The following SDC4 variants were observed in gnomAD, a reference collection of about 807,000 sequenced individuals.
SDC4 encodes the protein syndecan 4.
In SDC4, 17 loss-of-function variants were observed where a neutral mutation model predicts 20.5. The observed-to-expected ratio is 0.83, with a 90% CI of 0.57 to 1.25. The LOEUF (loss-of-function observed/expected upper bound fraction) is 1.25. Among genes scored for constraint, SDC4 ranks in the 50% most tolerant of loss-of-function variants. The pLI is 0.00. For missense variants in SDC4, 241 were observed against 252.3 expected, an observed-to-expected ratio of 0.96 and a Z score of 0.30; for synonymous variants, 107 against 105.3, an observed-to-expected ratio of 1.02 and a Z score of -0.10.
In SDC4 at chr20:45,326,476, A is replaced by G. The variant is rs1264503883; in HGVS notation, c.*788T>C. ...ACAAACAAAAACAAAAACAAAAACC[A>G]TTAAATACAAACTTAGCAGGTGCTG... On this transcript the variant is annotated 3_prime_UTR_variant, in exon 5 of 5. Coordinates refer to ENST00000372733, the MANE Select transcript of SDC4 (RefSeq NM_002999.4). 3 of 152,074 alleles carry G rather than the reference A, an allele frequency of 2.0e-5. No homozygotes were observed. Among genetic ancestry groups the G allele is most frequent in the African/African-American group, 7.2e-5 (3 of 41,416 alleles). 9.4% of individuals were successfully genotyped at this position (152,074 alleles called of 1,614,324 possible). A position where few individuals can be genotyped will look rare whatever the true frequency, so the allele number is the denominator to read the frequency against.
At chr20:45,336,000 G>T in intron 1 of SDC4, 80 bp from the exon 2 acceptor site, 1 of 1,503,680 alleles carries the variant, frequency 6.7e-7, no homozygotes, top group Non-Finnish European at 9.0e-7. Context: ...AGTGAAGTGG[G>T]CATTCAGAAA....
At chr20:45,329,756 A>T (rs1489845077) in intron 4 of SDC4, among the ~76,000 whole-genome samples, 15 of 144,310 alleles carry the variant, frequency 1.0e-4, no homozygotes, top group Admixed American at 1.0e-3. Flanking sequence ...AACACCTGGG[A>T]CAAAGCATTC....
At chr20:45,336,461 G>A (rs1987870208) in intron 1 of SDC4, among the ~76,000 whole-genome samples, 2 of 152,156 alleles carry the variant, frequency 1.3e-5, no homozygotes, top group Admixed American at 1.3e-4. Context: ...TTATTAATAT[G>A]GCTAGATATC....
At chr20:45,331,690 G>C (rs1285068801) in intron 3 of SDC4, among the ~76,000 whole-genome samples, 1 of 152,176 alleles carries the variant, frequency 6.6e-6, no homozygotes, top group Non-Finnish European at 1.5e-5. Flanking sequence ...ACATTAGCAT[G>C]CTAAGAGACA....
At chr20:45,332,958 G>T in intron 3 of SDC4, 65 bp downstream of exon 3, 1 of 1,455,076 alleles carries the variant, frequency 6.9e-7, no homozygotes, top group Non-Finnish European at 9.7e-7. Context: ...TGTATTTTCT[G>T]CCTCTCCCAA....
intron 1 of SDC4, among the ~76,000 whole-genome samples, chr20:45,344,285 G>A (rs1446787997): frequency 8.2e-6 from 1 of 122,044 alleles, no homozygotes; most frequent in African/African-American, 2.8e-5. Context: ...AACATGTCCT[G>A]TATGTCCCCT....
chr20:45,338,059 A>G (rs993536943), intron 1 of SDC4, among the ~76,000 whole-genome samples: 11 of 152,324 alleles, frequency 7.2e-5, no homozygotes, highest in Non-Finnish European at 1.3e-4. Context: ...ACCTAAGGGC[A>G]GGGTCCCTGT....
Position 45,327,203 on chromosome 20 carries a change from C to G in SDC4, c.*61G>C. 1 of 1,594,950 alleles carries G rather than the reference C, an allele frequency of 6.3e-7. No homozygotes were observed. The highest frequency in any genetic ancestry group is 1.3e-5 in the African/African-American group (1 of 74,598). ...GACCTCACCCTACCCTAATGTCCAC[C>G]CTTCAAAATCCCCTGGCTTCCCTCC... On this transcript the variant is annotated 3_prime_UTR_variant, in exon 5 of 5. Transcript: ENST00000372733.
intron 1 of SDC4, among the ~76,000 whole-genome samples, chr20:45,340,994 T>C (rs1454275773): frequency 6.6e-6 from 1 of 152,224 alleles, no homozygotes; most frequent in Non-Finnish European, 1.5e-5. Flanking sequence ...CAAGTGTGAG[T>C]TCTGCCACTT....
chr20:45,332,870 C>T (rs1987799255), intron 3 of SDC4, among the ~76,000 whole-genome samples, 153 bp downstream of exon 3: 1 of 152,228 alleles, frequency 6.6e-6, no homozygotes, highest in South Asian at 2.1e-4. Flanking sequence ...AGCCACCATG[C>T]CCACCCCAGG....
At position 45,327,059 on chromosome 20, in the gene SDC4, C is replaced by T; in HGVS notation, c.*205G>A. ...AGGCCAAGTTGAATCCATTTTTCTGCCAGGGCAACTGAGGCCCAAAGCTCA... is the reference window on the plus strand; with the variant it reads ...AGGCCAAGTTGAATCCATTTTTCTGTCAGGGCAACTGAGGCCCAAAGCTCA... On this transcript the variant is annotated 3_prime_UTR_variant, in exon 5 of 5. Coordinates refer to ENST00000372733, the MANE Select transcript of SDC4 (RefSeq NM_002999.4). 1 of 521,108 alleles carries T rather than the reference C, an allele frequency of 1.9e-6. No homozygotes were observed. The highest frequency in any genetic ancestry group is 3.3e-6 in the Non-Finnish European group (1 of 299,852). 32.3% of individuals were successfully genotyped at this position (521,108 alleles called of 1,614,324 possible).
intron 1 of SDC4, among the ~76,000 whole-genome samples, chr20:45,343,340 C>G (rs1987982146): frequency 6.6e-6 from 1 of 152,112 alleles, no homozygotes; most frequent in African/African-American, 2.4e-5. Context: ...AACACCCCAC[C>G]CCTCAAAGTG....
chr20:45,335,405 T>A (rs1351211474), intron 2 of SDC4, among the ~76,000 whole-genome samples: 1 of 151,876 alleles, frequency 6.6e-6, no homozygotes, highest in African/African-American at 2.4e-5. Context: ...GAACTTTTCC[T>A]TTCAAAAAAA....
rs1987855097 is a variant in SDC4 at position 45,335,842 on chromosome 20, C to T, written c.139G>A (p.Asp47Asn). The T allele has an allele frequency of 6.2e-7, 1 of 1,614,106 alleles. No individual in the cohort carries two copies. Among genetic ancestry groups the T allele is most frequent in the South Asian group, 1.1e-5 (1 of 91,078 alleles). ...YFSGALPDDE[D>N]VVGPGQESDD... is the part of the protein sequence containing the mutation. ...GATTCCTGCCCGGGCCCCACTACATCCTCATCGTCTGGTAGGGCTCCGGAG... is the reference window on the plus strand; with the variant it reads ...GATTCCTGCCCGGGCCCCACTACATTCTCATCGTCTGGTAGGGCTCCGGAG... Residue 47 changes from aspartate to asparagine, a missense_variant, in exon 2 of 5, where the codon GAT becomes AAT. Coordinates refer to ENST00000372733, the MANE Select transcript of SDC4 (RefSeq NM_002999.4).
At chr20:45,337,070 G>A (rs1987882074) in intron 1 of SDC4, among the ~76,000 whole-genome samples, 2 of 152,128 alleles carry the variant, frequency 1.3e-5, no homozygotes, top group Non-Finnish European at 2.9e-5. Flanking sequence ...AAAAGAAAGT[G>A]TCAAAGGTCC....
intron 1 of SDC4, among the ~76,000 whole-genome samples, chr20:45,340,734 G>C (rs1180352130): frequency 6.6e-6 from 1 of 152,218 alleles, no homozygotes; most frequent in Non-Finnish European, 1.5e-5. Context: ...CAGGAGGCAA[G>C]ACCAGAAGGG....
intron 2 of SDC4, among the ~76,000 whole-genome samples, chr20:45,333,945 T>G: frequency 9.1e-6 from 1 of 110,296 alleles, no homozygotes; most frequent in East Asian, 2.8e-4. Flanking sequence ...ATTCATTGGT[T>G]AAAAAAAAAA....
At chr20:45,346,337 G>A (rs1206222058) in intron 1 of SDC4, among the ~76,000 whole-genome samples, 3 of 152,198 alleles carry the variant, frequency 2.0e-5, no homozygotes, top group Non-Finnish European at 2.9e-5. Flanking sequence ...AGGAAGGGGA[G>A]AGCTGAGGTC....
At chr20:45,332,905 G>A (rs559946067) in intron 3 of SDC4, 118 bp downstream of exon 3, 15 of 943,522 alleles carry the variant, frequency 1.6e-5, no homozygotes, top group South Asian at 1.4e-4. Flanking sequence ...AAGCCTTCCC[G>A]CATAGTGGGG....
Sources: allele counts gnomAD v4.1 joint callset (sites outside exome capture counted in the v4.1 genomes callset), GRCh38; gene constraint gnomAD v4.1.1; transcripts MANE v1.5; gene names NCBI Gene and HGNC (gene_info 2026-07-23, HGNC 2026-07-21).